The following FRMD4B variants were observed in gnomAD, a reference collection of about 807,000 sequenced individuals.
The protein encoded by FRMD4B is FERM domain-containing protein 4B.
In FRMD4B, 74 loss-of-function variants were observed where a neutral mutation model predicts 141.5. The ratio of observed to expected loss-of-function variants is 0.52; its 90% CI spans 0.43 to 0.63. FRMD4B has a LOEUF of 0.63. Among genes scored for constraint, FRMD4B ranks in the 30% least tolerant of loss-of-function variants. FRMD4B has a pLI of 0.00. For missense variants in FRMD4B, 1,366 were observed against 1,253.4 expected, an observed-to-expected ratio of 1.09 and a Z score of -1.36; for synonymous variants, 506 against 467.9, an observed-to-expected ratio of 1.08 and a Z score of -1.05.
chr3:69,177,636 T>A (rs570941721), intron 21 of FRMD4B, among the ~76,000 whole-genome samples: 123 of 152,290 alleles, frequency 8.1e-4, no homozygotes, highest in African/African-American at 2.9e-3. Flanking sequence ...GGCCACCAAG[T>A]GAGATCCTAT....
intron 1 of FRMD4B, among the ~76,000 whole-genome samples, chr3:69,436,555 T>C (rs1217229729): frequency 6.6e-6 from 1 of 152,172 alleles, no homozygotes; most frequent in African/African-American, 2.4e-5. Flanking sequence ...AGGTTAAATA[T>C]AGAATTACCA....
intron 10 of FRMD4B, among the ~76,000 whole-genome samples, chr3:69,217,134 T>G (rs1489757378): frequency 1.3e-5 from 2 of 152,190 alleles, no homozygotes; most frequent in Non-Finnish European, 2.9e-5. Flanking sequence ...CGAAAACCCT[T>G]TTGGAGAACT....
chr3:69,195,569 T>C (rs1282656348), intron 14 of FRMD4B, among the ~76,000 whole-genome samples: 1 of 152,180 alleles, frequency 6.6e-6, no homozygotes, highest in South Asian at 2.1e-4. Context: ...AATGTGCCTT[T>C]TTGCATCCTG....
At chr3:69,268,267 C>T (rs907211155) in intron 5 of FRMD4B, among the ~76,000 whole-genome samples, 1 of 151,878 alleles carries the variant, frequency 6.6e-6, no homozygotes, top group Admixed American at 6.6e-5. Context: ...AGAGGTGTGG[C>T]GATCTATGGC....
chr3:69,490,556 T>G lies in FRMD4B; in HGVS notation c.-129+51650A>C, dbSNP rs1368473707. 3.9e-5 allele frequency among the ~76,000 whole-genome samples: 6 copies of G among 152,272 alleles called. No individual in the cohort carries two copies. The South Asian group carries it at 1.2e-3, about 32-fold the overall frequency. ...GACTGCCTCCTTCTCACCACTGAGGTTCAACTCAAAAGAGAGGTCTTAGAC... is the reference window on the plus strand; with the variant it reads ...GACTGCCTCCTTCTCACCACTGAGGGTCAACTCAAAAGAGAGGTCTTAGAC... On this transcript the variant is annotated intron_variant, in intron 1 of 5. Transcript: ENST00000459638.
intron 22 of FRMD4B, among the ~76,000 whole-genome samples, chr3:69,172,975 T>C (rs180927223): frequency 4.1e-4 from 62 of 152,252 alleles, no homozygotes; most frequent in Non-Finnish European, 7.8e-4. Flanking sequence ...ATTTCACACA[T>C]CAGTCAGTGC....
At chr3:69,505,196 C>A (rs749226774) in intron 1 of FRMD4B, among the ~76,000 whole-genome samples, 6 of 146,670 alleles carry the variant, frequency 4.1e-5, no homozygotes, top group Non-Finnish European at 7.5e-5. Context: ...ATAGGAAGAC[C>A]CCATCTCTAC....
chr3:69,527,879 T>A (rs1283746731), intron 1 of FRMD4B, among the ~76,000 whole-genome samples: 1 of 152,228 alleles, frequency 6.6e-6, no homozygotes, highest in Non-Finnish European at 1.5e-5. Context: ...TAATTTAGGG[T>A]TCTGATAGCT....
rs139210863 is a variant in FRMD4B, at chr3:69,300,942, G to T, written c.416+1401C>A. ...GTAGAGATGGGGTTTCCCCATGTTG[G>T]CCAGGCTGGTCTCATACTCCTGACC... On this transcript the variant is annotated intron_variant, in intron 4 of 22. Transcript: ENST00000398540. Among the ~76,000 whole-genome samples, 6 of 152,202 alleles carry T rather than the reference G, an allele frequency of 3.9e-5. No individual in the cohort carries two copies. The East Asian group carries it at 1.2e-3, about 29-fold the overall frequency.
At chr3:69,495,217 C>G (rs1017801981) in intron 1 of FRMD4B, among the ~76,000 whole-genome samples, 2 of 152,174 alleles carry the variant, frequency 1.3e-5, no homozygotes, top group Non-Finnish European at 2.9e-5. Flanking sequence ...CTCCTCTTTA[C>G]TGTAGAGACA....
chr3:69,384,354 C>T (rs1704198044), intron 1 of FRMD4B, among the ~76,000 whole-genome samples: 1 of 152,118 alleles, frequency 6.6e-6, no homozygotes, highest in Non-Finnish European at 1.5e-5. Flanking sequence ...GAGTGAGGCA[C>T]AGAGTCACTC....
chr3:69,170,296 A>T lies in FRMD4B; in HGVS notation c.*1565T>A, dbSNP rs1182734333. The T allele has an allele frequency of 6.6e-6, 1 of 152,206 alleles. No homozygotes were observed. The highest frequency in any genetic ancestry group is 2.4e-5 in the African/African-American group (1 of 41,458). 9.4% of individuals were successfully genotyped at this position (152,206 alleles called of 1,614,324 possible). A position where few individuals can be genotyped will look rare whatever the true frequency, so the allele number is the denominator to read the frequency against. ...TAGCACACCTTTTGTTTATTGACCT[A>T]TGTAAAAAAATAATAGGTCTTGAAA... On this transcript the variant is annotated 3_prime_UTR_variant, in exon 23 of 23. Coordinates refer to ENST00000398540, the MANE Select transcript of FRMD4B (RefSeq NM_015123.3).
At chr3:69,236,680 C>T (rs536960921) in intron 7 of FRMD4B, among the ~76,000 whole-genome samples, 1 of 152,248 alleles carries the variant, frequency 6.6e-6, no homozygotes, top group Admixed American at 6.5e-5. Context: ...CAAGGTATTC[C>T]TGAAGCCCCA....
At chr3:69,216,473 C>T (rs976299378) in intron 10 of FRMD4B, 124 bp from the exon 11 acceptor site, 8 of 581,074 alleles carry the variant, frequency 1.4e-5, no homozygotes, top group African/African-American at 1.4e-4. Flanking sequence ...CATTCTGTCA[C>T]CAGGCTGGAG....
intron 5 of FRMD4B, among the ~76,000 whole-genome samples, chr3:69,287,463 T>A (rs1559780088): frequency 6.6e-6 from 1 of 152,232 alleles, no homozygotes; most frequent in Non-Finnish European, 1.5e-5. Flanking sequence ...GATTGATCCA[T>A]CTTTCTGTCT....
rs1553700710 is a variant in FRMD4B, at chr3:69,205,069, A to AAAAAAG, written c.877-6301_877-6296dup. On this transcript the variant is annotated intron_variant, in intron 11 of 22. Transcript: ENST00000398540. ...CTGTTATGTTTTTAACAAAAAAAAA[A>AAAAAAG]AAAAAGAAAAAGAGAAAAAAAGAGT... is the stretch of plus-strand genomic sequence containing the variant. Among the ~76,000 whole-genome samples the AAAAAAG allele has an allele frequency of 3.2e-4, 49 of 151,228 alleles. 1 individual carries two copies. Among genetic ancestry groups the AAAAAAG allele is most frequent in the African/African-American group, 1.1e-3 (45 of 41,308 alleles).
chr3:69,358,418 T>A (rs545078398), intron 1 of FRMD4B, among the ~76,000 whole-genome samples: 1 of 152,180 alleles, frequency 6.6e-6, no homozygotes. Flanking sequence ...TGTTAAAATT[T>A]GATTGCCATT....
At chr3:69,482,505 A>C (rs940889535) in intron 1 of FRMD4B, among the ~76,000 whole-genome samples, 2 of 152,116 alleles carry the variant, frequency 1.3e-5, no homozygotes, top group African/African-American at 4.8e-5. Context: ...AGAGAGGGGG[A>C]ATGGGGAGAA....
intron 1 of FRMD4B, chr3:69,536,786 G>A (rs559450786): frequency 9.9e-5 from 44 of 445,540 alleles, no homozygotes; most frequent in Middle Eastern, 7.0e-4. Flanking sequence ...TTGCTCTGTC[G>A]CTCAGGCTGG....
Sources: gnomAD v4.1 joint callset for allele counts (sites outside exome capture counted in the v4.1 genomes callset) on GRCh38, gnomAD v4.1.1 for gene constraint, MANE v1.5 for transcripts, NCBI Gene and HGNC (gene_info 2026-07-23, HGNC 2026-07-21) for gene names.